The following ZNF268 variants were observed in gnomAD, a reference collection of about 807,000 sequenced individuals.
The protein encoded by ZNF268 is zinc finger protein 268, also known as zinc finger protein 3.
A neutral mutation model predicts 29.3 loss-of-function variants in ZNF268; 20 were observed. That is an observed-to-expected ratio of 0.68 (90% CI 0.48 to 0.99). The LOEUF (loss-of-function observed/expected upper bound fraction) is 0.99, where lower values mean the gene tolerates loss of function less well. Ranked by LOEUF, ZNF268 falls within the 50% of genes least tolerant of loss-of-function variation. ZNF268 has a pLI of 0.00. For missense variants in ZNF268, 1,240 were observed against 1,121.6 expected (o/e 1.11, Z -1.51); for synonymous variants, 429 against 376.9 (o/e 1.14, Z -1.60).
intron 5 of ZNF268, among the ~76,000 whole-genome samples, chr12:133,198,873 G>T (rs1205130589): frequency 2.0e-5 from 3 of 148,170 alleles, no homozygotes; most frequent in Non-Finnish European, 4.5e-5. Flanking sequence ...TGTGATTTTT[G>T]TACATTGATT....
chr12:133,196,994 T>G (rs898235245), intron 5 of ZNF268, among the ~76,000 whole-genome samples: 1 of 151,558 alleles, frequency 6.6e-6, no homozygotes, highest in Non-Finnish European at 1.5e-5. Context: ...TTAATAAATT[T>G]TATTTTCCAG....
Position 133,213,457 on chromosome 12 carries a change from G to A in ZNF268, c.*8927G>A, listed in dbSNP as rs949747920. The A allele has an allele frequency of 6.6e-6, 1 of 151,926 alleles. No homozygotes were observed. The highest frequency in any genetic ancestry group is 1.5e-5 in the Non-Finnish European group (1 of 68,014). The allele number at this position is 151,926 out of a possible 1,614,324, so 9.4% of individuals were successfully genotyped here. A position where few individuals can be genotyped will look rare whatever the true frequency, so the allele number is the denominator to read the frequency against. On this transcript the variant is annotated 3_prime_UTR_variant, in exon 6 of 6. Transcript: ENST00000536435. ...CCAGCACTTTGGGAGGCCAAGGTGG[G>A]AGGATCACTTGAGGTCAGGAGTGCG... is the stretch of plus-strand genomic sequence containing the variant.
chr12:133,212,074 T>G lies in ZNF268; in HGVS notation c.*7544T>G, dbSNP rs1369404580. The G allele has an allele frequency of 6.6e-6, 1 of 152,200 alleles. No individual in the cohort carries two copies. Among genetic ancestry groups the G allele is most frequent in the Non-Finnish European group, 1.5e-5 (1 of 68,042 alleles). 9.4% of individuals were successfully genotyped at this position (152,200 alleles called of 1,614,324 possible). A position where few individuals can be genotyped will look rare whatever the true frequency, so the allele number is the denominator to read the frequency against. ...GCTCTGAGGCCATGCAGGACATGGA[T>G]GAATCTGATAGGCATATTGCTAAGT... is the stretch of plus-strand genomic sequence containing the variant. On this transcript the variant is annotated 3_prime_UTR_variant, in exon 6 of 6. Coordinates refer to ENST00000536435, the MANE Select transcript of ZNF268 (RefSeq NM_003415.3).
In ZNF268 at chr12:133,208,506, T is replaced by C. The variant is rs751586278; in HGVS notation, c.*3976T>C. ...ACAAGCCTCCATCTCAAAAAAAAGA[T>C]CAGCCAGGTGTAGTGGCAAGTGCCG... is the stretch of plus-strand genomic sequence containing the variant. On this transcript the variant is annotated 3_prime_UTR_variant, in exon 6 of 6. Transcript: ENST00000536435. 2.6e-5 allele frequency: 4 copies of C among 151,916 alleles called. No individual in the cohort carries two copies. Among genetic ancestry groups the C allele is most frequent in the African/African-American group, 4.8e-5 (2 of 41,342 alleles). The allele number at this position is 151,916 out of a possible 1,614,324, so 9.4% of individuals were successfully genotyped here.
At position 133,191,793 on chromosome 12, in the gene ZNF268, A is replaced by G. The variant is rs777671015; in HGVS notation, c.362-115A>G. On this transcript the variant is annotated intron_variant, in intron 4 of 5. Coordinates refer to ENST00000536435, the MANE Select transcript of ZNF268 (RefSeq NM_003415.3). Reference sequence around the variant, plus strand: ...CAGTTGAATGGTCTTTACTTTGCCAAATTGCAAAAAGGCAGCTTCATCATG... The same window carrying G: ...CAGTTGAATGGTCTTTACTTTGCCAGATTGCAAAAAGGCAGCTTCATCATG... The G allele has an allele frequency of 3.4e-5, 50 of 1,473,382 alleles. No homozygotes were observed. Among genetic ancestry groups the G allele is most frequent in the Middle Eastern group, 3.4e-4 (2 of 5,842 alleles). 91.3% of individuals were successfully genotyped at this position (1,473,382 alleles called of 1,614,324 possible).
At position 133,208,780 on chromosome 12, in the gene ZNF268, G is replaced by A. The variant is rs1228847430; in HGVS notation, c.*4250G>A. 1.3e-5 allele frequency: 2 copies of A among 152,154 alleles called. No homozygotes were observed. Among genetic ancestry groups the A allele is most frequent in the Non-Finnish European group, 2.9e-5 (2 of 68,050 alleles). The allele number at this position is 152,154 out of a possible 1,614,324, so 9.4% of individuals were successfully genotyped here. On this transcript the variant is annotated 3_prime_UTR_variant, in exon 6 of 6. Transcript: ENST00000536435. ...GTGCAGAAACAACTGCCATGAATTG[G>A]AGATGTGATCGTGTAATTAGGAAAC...
rs1328812457 is a variant in ZNF268 at position 133,207,889 on chromosome 12, C to G, written c.*3359C>G. 2.0e-5 allele frequency: 3 copies of G among 152,098 alleles called. No individual in the cohort carries two copies. Among genetic ancestry groups the G allele is most frequent in the Non-Finnish European group, 4.4e-5 (3 of 68,026 alleles). The allele number at this position is 152,098 out of a possible 1,614,324, so 9.4% of individuals were successfully genotyped here. A position where few individuals can be genotyped will look rare whatever the true frequency, so the allele number is the denominator to read the frequency against. On this transcript the variant is annotated 3_prime_UTR_variant, in exon 6 of 6. Transcript: ENST00000536435. Reference sequence around the variant, plus strand: ...ACCAGATAAAACTCATAAGGATTATCTCAGTATATGCTGATAAATCACTTG... The same window carrying G: ...ACCAGATAAAACTCATAAGGATTATGTCAGTATATGCTGATAAATCACTTG...
rs570108006 is a variant in ZNF268 at position 133,204,081 on chromosome 12, A to C, written c.2395A>C (p.Met799Leu). Residue 799 changes from methionine (M) to leucine (L), a missense_variant, in exon 6 of 6, where the codon ATG becomes CTG. By Grantham distance (15) the Met-to-Leu change is conservative. Transcript: ENST00000536435. Reference sequence around the variant, plus strand: ...CAGCAAGTCATACCTAATTATACACATGAGAACTCATTCAGGTGAAAAACC... The same window carrying C: ...CAGCAAGTCATACCTAATTATACACCTGAGAACTCATTCAGGTGAAAAACC... ...FSSKSYLIIH[M>L]RTHSGEKPYE... The C allele has an allele frequency of 9.0e-6, 14 of 1,551,332 alleles. No homozygotes were observed. The highest frequency in any genetic ancestry group is 3.9e-5 in the Admixed American group (2 of 51,500).
In ZNF268 at chr12:133,204,794, T is replaced by G. The variant is rs895078799; in HGVS notation, c.*264T>G. The G allele has an allele frequency of 1.6e-5, 6 of 366,410 alleles. No homozygotes were observed. The highest frequency in any genetic ancestry group is 8.4e-5 in the African/African-American group (4 of 47,458). The allele number at this position is 366,410 out of a possible 1,614,324, so 22.7% of individuals were successfully genotyped here. A position where few individuals can be genotyped will look rare whatever the true frequency, so the allele number is the denominator to read the frequency against. On this transcript the variant is annotated 3_prime_UTR_variant, in exon 6 of 6. Coordinates refer to ENST00000536435, the MANE Select transcript of ZNF268 (RefSeq NM_003415.3). ...CAAGTCATACCTTTTTTTAAAAAGT[T>G]CATACAGGTGAGGAACCATGTTAAA... is the stretch of plus-strand genomic sequence containing the variant.
Position 133,192,010 on chromosome 12 carries a change from G to A in ZNF268, c.457+7G>A. On this transcript the variant is annotated splice_region_variant and intron_variant, in intron 5 of 5. Transcript: ENST00000536435. ...CCAAATCAGACCTGTCCAAGTGAGTGATGGAGACAAATCTTTTCTTCTTTA... is the reference window on the plus strand; with the variant it reads ...CCAAATCAGACCTGTCCAAGTGAGTAATGGAGACAAATCTTTTCTTCTTTA... 1 of 1,595,446 alleles carries A rather than the reference G, an allele frequency of 6.3e-7. No homozygotes were observed. The highest frequency in any genetic ancestry group is 8.6e-7 in the Non-Finnish European group (1 of 1,167,352).
intron 5 of ZNF268, among the ~76,000 whole-genome samples, chr12:133,200,104 T>G (rs2135516419): frequency 6.6e-6 from 1 of 152,284 alleles, no homozygotes; most frequent in South Asian, 2.1e-4. Context: ...TTTCTAGTTC[T>G]TTTAATTGTG....
chr12:133,203,127 T>G lies in ZNF268; in HGVS notation c.1441T>G (p.Phe481Val). 6.5e-7 allele frequency: 1 copy of G among 1,537,512 alleles called. No homozygotes were observed. The highest frequency in any genetic ancestry group is 8.7e-7 in the Non-Finnish European group (1 of 1,146,790). ...PYGCIQCGKG[F>V]SLKSQLIVHQ... ...TGGGTGTATTCAGTGTGGTAAAGGA[T>G]TCAGTTTGAAATCACAGCTCATTGT... Residue 481 changes from phenylalanine (F) to valine (V), a missense_variant, in exon 6 of 6, where the codon TTC (phenylalanine) becomes GTC (valine). By Grantham distance (50) the Phe-to-Val change is conservative. This residue lies in a region of ZNF268 where 1,177 missense variants were observed against 1,039.6 expected (regional missense o/e 1.13). Transcript: ENST00000536435.
At chr12:133,190,159 A>G (rs1165768608) in intron 3 of ZNF268, among the ~76,000 whole-genome samples, 1 of 152,204 alleles carries the variant, frequency 6.6e-6, no homozygotes, top group African/African-American at 2.4e-5. Flanking sequence ...TCCAAGGAAT[A>G]TGTCCTTTTC....
At position 133,212,451 on chromosome 12, in the gene ZNF268, A is replaced by ATATG. The variant is rs1956995443; in HGVS notation, c.*7924_*7925insGTAT. 1 of 6,394 alleles carries ATATG rather than the reference A, an allele frequency of 1.6e-4. No homozygotes were observed. The highest frequency in any genetic ancestry group is 2.2e-4 in the Non-Finnish European group (1 of 4,560). The allele number at this position is 6,394 out of a possible 1,614,324, so 0.4% of individuals were successfully genotyped here. A position where few individuals can be genotyped will look rare whatever the true frequency, so the allele number is the denominator to read the frequency against. On this transcript the variant is annotated 3_prime_UTR_variant, in exon 6 of 6. Transcript: ENST00000536435. ...GAGACTTTCATGTGTGATTTTATAT[A>ATATG]TATATATATATATATATATATATAT... is the stretch of plus-strand genomic sequence containing the variant.
Position 133,205,144 on chromosome 12 carries a change from T to A in ZNF268, c.*614T>A, listed in dbSNP as rs1297031354. The stretch of plus-strand genomic sequence containing the variant: ...TAACCTCACCTTAGAAGCTTCATTC[T>A]AAAAAAAAAAAAAAAAAAAAAAAAA... On this transcript the variant is annotated 3_prime_UTR_variant, in exon 6 of 6. Transcript: ENST00000536435. The A allele has an allele frequency of 2.8e-4, 12 of 42,306 alleles. No individual in the cohort carries two copies. The highest frequency in any genetic ancestry group is 4.1e-4 in the Non-Finnish European group (9 of 22,218). The allele number at this position is 42,306 out of a possible 1,614,324, so 2.6% of individuals were successfully genotyped here.
In ZNF268 at chr12:133,211,862, T is replaced by C. The variant is rs1415857976; in HGVS notation, c.*7332T>C. ...CAATATGAGCCAACAATCACACTCCTAGGTATTTAGATAACTGCTTTGAAA... is the reference window on the plus strand; with the variant it reads ...CAATATGAGCCAACAATCACACTCCCAGGTATTTAGATAACTGCTTTGAAA... On this transcript the variant is annotated 3_prime_UTR_variant, in exon 6 of 6. Coordinates refer to ENST00000536435, the MANE Select transcript of ZNF268 (RefSeq NM_003415.3). 6.6e-6 allele frequency: 1 copy of C among 152,218 alleles called. No homozygotes were observed. Among genetic ancestry groups the C allele is most frequent in the South Asian group, 2.1e-4 (1 of 4,836 alleles). The allele number at this position is 152,218 out of a possible 1,614,324, so 9.4% of individuals were successfully genotyped here.
chr12:133,183,335 T>A (rs1200330321), intron 2 of ZNF268, among the ~76,000 whole-genome samples: 3 of 151,846 alleles, frequency 2.0e-5, no homozygotes, highest in African/African-American at 7.3e-5. Flanking sequence ...TTAGTGGTTT[T>A]GAGAAAGGAG....
In ZNF268 at chr12:133,206,607, A is replaced by C. The variant is rs539335434; in HGVS notation, c.*2077A>C. Reference sequence around the variant, plus strand: ...AGGGCTATCTTGGAGGAATATGCGGATTCAATACTGCAAATATTTCTGAAA... The same window carrying C: ...AGGGCTATCTTGGAGGAATATGCGGCTTCAATACTGCAAATATTTCTGAAA... On this transcript the variant is annotated 3_prime_UTR_variant, in exon 6 of 6. Coordinates refer to ENST00000536435, the MANE Select transcript of ZNF268 (RefSeq NM_003415.3). 1 of 152,194 alleles carries C rather than the reference A, an allele frequency of 6.6e-6. No individual in the cohort carries two copies. Among genetic ancestry groups the C allele is most frequent in the African/African-American group, 2.4e-5 (1 of 41,452 alleles). 9.4% of individuals were successfully genotyped at this position (152,194 alleles called of 1,614,324 possible).
At chr12:133,186,811 A>G (rs1238060498) in intron 2 of ZNF268, among the ~76,000 whole-genome samples, 3 of 152,238 alleles carry the variant, frequency 2.0e-5, no homozygotes, top group African/African-American at 7.2e-5. Flanking sequence ...GCGAAGTGAA[A>G]GAAGCCAGAC....
Sources: allele counts gnomAD v4.1 joint callset (sites outside exome capture counted in the v4.1 genomes callset), GRCh38; gene constraint gnomAD v4.1.1; regional missense constraint gnomAD v4.1.1; transcripts MANE v1.5; gene names NCBI Gene and HGNC (gene_info 2026-07-23, HGNC 2026-07-21).